STK39: variants seen among roughly 807,000 people sequenced by gnomAD.
STK39 encodes STE20/SPS1-related proline-alanine-rich protein kinase.
In STK39, 20 loss-of-function variants were observed where a neutral mutation model predicts 77.8. That is an observed-to-expected ratio of 0.26 (90% CI 0.18 to 0.37). The LOEUF is 0.37. STK39 is among the 10% of genes least tolerant of loss of function. The pLI is 1.00. For missense variants in STK39, 479 were observed against 656.5 expected (o/e 0.73, Z 2.95); for synonymous variants, 246 against 234.1 (o/e 1.05, Z -0.47).
At chr2:168,167,907 GA>G (rs914909798) in intron 2 of STK39, among the ~76,000 whole-genome samples, 14 of 152,152 alleles carry the variant, frequency 9.2e-5, no homozygotes, top group African/African-American at 3.4e-4. Context: ...AAATACATTT[GA>G]AAATGCTACA....
chr2:168,186,536 T>C (rs761791543), intron 1 of STK39, among the ~76,000 whole-genome samples: 1 of 152,194 alleles, frequency 6.6e-6, no homozygotes, highest in Admixed American at 6.5e-5. Context: ...CTTAGGTTAG[T>C]AGGAGCCTTG....
intron 16 of STK39, among the ~76,000 whole-genome samples, chr2:168,010,490 C>T (rs1684244133): frequency 1.3e-5 from 2 of 151,360 alleles, no homozygotes; most frequent in South Asian, 2.1e-4. Flanking sequence ...AAAATTTAGG[C>T]GAGAACTTAG....
chr2:167,964,748 A>G (rs757149641), intron 16 of STK39, 22 bp from the exon 17 acceptor site: 44 of 1,589,364 alleles, frequency 2.8e-5, no homozygotes, highest in Admixed American at 1.6e-4. Flanking sequence ...AAACGTAGAG[A>G]GAAAGTTTCC....
intron 16 of STK39, among the ~76,000 whole-genome samples, chr2:167,983,394 G>A (rs965589205): frequency 3.4e-5 from 5 of 145,140 alleles, no homozygotes; most frequent in East Asian, 2.2e-4. Context: ...CAGGAGAATC[G>A]CTTGAACCCA....
chr2:167,960,484 C>A (rs1363755817), intron 17 of STK39, among the ~76,000 whole-genome samples: 1 of 152,030 alleles, frequency 6.6e-6, no homozygotes, highest in Non-Finnish European at 1.5e-5. Flanking sequence ...CCAGGCCCAG[C>A]CAAAAAACCC....
rs377500952 is a variant in STK39 at position 168,078,765 on chromosome 2, G to C, written c.1090-3534C>G. 6.9e-5 allele frequency among the ~76,000 whole-genome samples: 10 copies of C among 145,220 alleles called. No individual in the cohort carries two copies. In the South Asian group the frequency reaches 2.2e-3, roughly 32 times the overall value. On this transcript the variant is annotated intron_variant, in intron 10 of 17. Coordinates refer to ENST00000355999, the MANE Select transcript of STK39 (RefSeq NM_013233.3). ...CCAAAAAAAAAAAAAAAAAAGGAAA[G>C]CACCCACTAGCCTCTCCCACTGCCA...
intron 16 of STK39, among the ~76,000 whole-genome samples, chr2:167,998,661 T>C (rs1366899449): frequency 6.6e-6 from 1 of 152,184 alleles, no homozygotes; most frequent in African/African-American, 2.4e-5. Context: ...TTTCTAGGAA[T>C]CCTAATTTCC....
intron 8 of STK39, among the ~76,000 whole-genome samples, chr2:168,136,273 G>A (rs1200368627): frequency 1.3e-5 from 2 of 151,224 alleles, no homozygotes; most frequent in African/African-American, 2.4e-5. Context: ...GGAGAGTGAG[G>A]CAGGAGAATC....
intron 10 of STK39, among the ~76,000 whole-genome samples, chr2:168,096,882 A>G (rs1439658408): frequency 1.3e-5 from 2 of 151,096 alleles, no homozygotes; most frequent in African/African-American, 4.8e-5. Flanking sequence ...TGTTATAAAT[A>G]GATAGGCTAA....
chr2:168,043,753 T>C (rs759610353), intron 14 of STK39, among the ~76,000 whole-genome samples: 9 of 152,250 alleles, frequency 5.9e-5, no homozygotes, highest in Admixed American at 2.6e-4. Context: ...TGTGAAGATT[T>C]TGATCATCTC....
intron 1 of STK39, among the ~76,000 whole-genome samples, chr2:168,217,718 A>G (rs1365272559): frequency 6.6e-6 from 1 of 152,240 alleles, no homozygotes; most frequent in Non-Finnish European, 1.5e-5. Flanking sequence ...ATGTTATACT[A>G]TAACATTTAG....
At chr2:168,181,927 C>T (rs747507866) in intron 2 of STK39, 51 bp downstream of exon 2, 3 of 1,496,468 alleles carry the variant, frequency 2.0e-6, no homozygotes, top group Middle Eastern at 3.4e-4. Flanking sequence ...TCCCCATATA[C>T]CCATAGATTA....
intron 1 of STK39, among the ~76,000 whole-genome samples, chr2:168,224,225 C>T (rs1025972295): frequency 1.3e-5 from 2 of 151,748 alleles, no homozygotes; most frequent in African/African-American, 2.4e-5. Context: ...AAAAAAAAAT[C>T]GCTTTCTTAG....
At chr2:168,192,167 C>A (rs1689355914) in intron 1 of STK39, among the ~76,000 whole-genome samples, 1 of 152,168 alleles carries the variant, frequency 6.6e-6, no homozygotes, top group Non-Finnish European at 1.5e-5. Context: ...TCCCTTCTCC[C>A]TCCCACAGCC....
At chr2:168,107,612 A>G (rs1323381702) in intron 10 of STK39, among the ~76,000 whole-genome samples, 1 of 152,220 alleles carries the variant, frequency 6.6e-6, no homozygotes, top group African/African-American at 2.4e-5. Flanking sequence ...TTTCACATCT[A>G]TTTAACTTTG....
intron 16 of STK39, among the ~76,000 whole-genome samples, chr2:167,980,618 C>G (rs560356383): frequency 6.6e-6 from 1 of 152,188 alleles, no homozygotes; most frequent in Non-Finnish European, 1.5e-5. Flanking sequence ...GCCCAGCACA[C>G]GGTGGCAGTC....
intron 15 of STK39, among the ~76,000 whole-genome samples, chr2:168,016,398 A>AAAAAAAC: frequency 6.6e-6 from 1 of 150,416 alleles, no homozygotes; most frequent in African/African-American, 2.4e-5. Context: ...AAAAAAAAAA[A>AAAAAAAC]AAAAAAAAAA....
intron 5 of STK39, among the ~76,000 whole-genome samples, chr2:168,141,583 A>C (rs1687986042): frequency 4.6e-5 from 7 of 152,224 alleles, no homozygotes; most frequent in Admixed American, 3.9e-4. Context: ...ACAGTGGTTA[A>C]AAGTAGTTGA....
Position 168,001,847 on chromosome 2 carries a change from A to T in STK39, c.1498+10787T>A, listed in dbSNP as rs539667052. Among the ~76,000 whole-genome samples the T allele has an allele frequency of 2.9e-3, 445 of 152,340 alleles. 3 individuals carry two copies. The highest frequency in any genetic ancestry group is 0.01 in the African/African-American group (424 of 41,582). ...AAAAGAGCCATTTAATTTAAATCCT[A>T]CACACTTGGTAATGTTAGAAAAATG... is the stretch of plus-strand genomic sequence containing the variant. On this transcript the variant is annotated intron_variant, in intron 16 of 17. Transcript: ENST00000355999.
Sources: gnomAD v4.1 joint callset for allele counts (sites outside exome capture counted in the v4.1 genomes callset) on GRCh38, gnomAD v4.1.1 for gene constraint, MANE v1.5 for transcripts, NCBI Gene and HGNC (gene_info 2026-07-23, HGNC 2026-07-21) for gene names.